ANK3: variants seen among roughly 807,000 people sequenced by gnomAD.
The protein encoded by ANK3 is ankyrin-3.
A neutral mutation model predicts 370.9 loss-of-function variants in ANK3; 57 were observed. The ratio of observed to expected loss-of-function variants is 0.15; its 90% CI spans 0.12 to 0.19. ANK3 has a LOEUF of 0.19. Ranked by LOEUF, ANK3 falls within the 10% of genes least tolerant of loss-of-function variation. ANK3 has a pLI of 1.00. For missense variants in ANK3, 4,439 were observed against 5,302.1 expected (o/e 0.84, Z 5.06); for synonymous variants, 1,929 against 1,946.3 (o/e 0.99, Z 0.23).
At chr10:60,607,861 G>A (rs2078148852) in intron 2 of ANK3, among the ~76,000 whole-genome samples, 1 of 152,190 alleles carries the variant, frequency 6.6e-6, no homozygotes, top group Non-Finnish European at 1.5e-5. Flanking sequence ...AATGGTCACA[G>A]AGAGAAGAAG....
At chr10:60,613,036 T>A (rs1240469266) in intron 2 of ANK3, among the ~76,000 whole-genome samples, 1 of 152,190 alleles carries the variant, frequency 6.6e-6, no homozygotes, top group Non-Finnish European at 1.5e-5. Flanking sequence ...AATCCATATA[T>A]GAATAGTTGT....
chr10:60,236,291 G>A (rs745798507), intron 7 of ANK3, among the ~76,000 whole-genome samples: 8 of 150,262 alleles, frequency 5.3e-5, no homozygotes, highest in Non-Finnish European at 7.4e-5. Flanking sequence ...TTATCATAAT[G>A]AAGAAAGTAA....
rs574451487 is a variant in ANK3 at position 60,646,620 on chromosome 10, T to C, written c.58-31396A>G. Among the ~76,000 whole-genome samples, 7 of 152,194 alleles carry C rather than the reference T, an allele frequency of 4.6e-5. No individual in the cohort carries two copies. In the East Asian group the frequency reaches 1.4e-3, roughly 29 times the overall value. ...GTGGCATCCCTGGGGTAGGAGCCTA[T>C]TATGGAGAGAAGTCACTGGTTTGAT... On this transcript the variant is annotated intron_variant, in intron 1 of 43. Coordinates refer to the ANK3 transcript ENST00000373827.
At chr10:60,358,442 T>G (rs984551937) in intron 1 of ANK3, among the ~76,000 whole-genome samples, 1 of 152,152 alleles carries the variant, frequency 6.6e-6, no homozygotes, top group East Asian at 1.9e-4. Context: ...GTCTTTCCCC[T>G]GCCTCACTGT....
chr10:60,472,110 CAA>C (rs1479290554), intron 2 of ANK3, among the ~76,000 whole-genome samples: 1 of 152,058 alleles, frequency 6.6e-6, no homozygotes. Flanking sequence ...AAGCTTATGA[CAA>C]ATGTCAAGTA....
At chr10:60,630,135 T>C (rs1027514886) in intron 1 of ANK3, among the ~76,000 whole-genome samples, 9 of 152,288 alleles carry the variant, frequency 5.9e-5, no homozygotes, top group East Asian at 1.9e-4. Flanking sequence ...ATAAATCATT[T>C]AATCTGAGTG....
intron 1 of ANK3, among the ~76,000 whole-genome samples, chr10:60,294,347 A>G (rs571252459): frequency 6.5e-4 from 99 of 152,284 alleles, no homozygotes; most frequent in African/African-American, 2.3e-3. Context: ...AAAAGCCCAG[A>G]GGAGTTGAAG....
chr10:60,461,111 C>A lies in ANK3; in HGVS notation c.96+154075G>T, dbSNP rs116241530. ...CCTGAATGGCCACACTGGCCTTTAT[C>A]ATATGCTCTCTCTCAGCACGTCACA... On this transcript the variant is annotated intron_variant, in intron 2 of 43. Coordinates refer to the ANK3 transcript ENST00000373827. Among the ~76,000 whole-genome samples, 380 of 152,294 alleles carry A rather than the reference C, an allele frequency of 2.5e-3. 1 individual carries two copies. The highest frequency in any genetic ancestry group is 8.4e-3 in the African/African-American group (349 of 41,560).
At chr10:60,510,563 C>G (rs2076053084) in intron 2 of ANK3, among the ~76,000 whole-genome samples, 1 of 152,112 alleles carries the variant, frequency 6.6e-6, no homozygotes, top group African/African-American at 2.4e-5. Context: ...ACGCCTATAA[C>G]AGCACTTTGG....
chr10:60,164,748 T>G (rs2095581091), intron 23 of ANK3, among the ~76,000 whole-genome samples: 1 of 152,158 alleles, frequency 6.6e-6, no homozygotes, highest in African/African-American at 2.4e-5. Context: ...TTTGAAGGGC[T>G]TGGGCACAGG....
intron 2 of ANK3, among the ~76,000 whole-genome samples, chr10:60,523,322 G>A (rs1225261697): frequency 6.6e-6 from 1 of 151,728 alleles, no homozygotes; most frequent in Non-Finnish European, 1.5e-5. Context: ...CATGTGCCAT[G>A]TTGGTGTGCT....
Position 60,072,659 on chromosome 10 carries a change from T to C in ANK3, c.8222A>G (p.Asp2741Gly), listed in dbSNP as rs1164764396. ...KDMSQEDRKS[D>G]GQSRIPVKKI... Reference sequence around the variant, plus strand: ...TTTAACTGGGATTCTGGACTGGCCATCTGACTTTCTGTCTTCTTGAGACAT... The same window carrying C: ...TTTAACTGGGATTCTGGACTGGCCACCTGACTTTCTGTCTTCTTGAGACAT... The change falls in exon 37 of 44, where the codon GAT (aspartate) becomes GGT (glycine). Residue 2741 changes from aspartate to glycine, a missense_variant. Physicochemically the swap from Asp to Gly is moderately conservative, Grantham distance 94 (BLOSUM62 -1). This residue lies in a region of ANK3 where 1,601 missense variants were observed against 1,731.7 expected (regional missense o/e 0.92). Coordinates refer to ENST00000280772, the MANE Select transcript of ANK3 (RefSeq NM_020987.5). 6.2e-7 allele frequency: 1 copy of C among 1,614,014 alleles called. No individual in the cohort carries two copies.
chr10:60,579,325 A>AT (rs1491432313), intron 2 of ANK3, among the ~76,000 whole-genome samples: 2 of 117,554 alleles, frequency 1.7e-5, no homozygotes, highest in South Asian at 3.4e-4. Context: ...CTCTCTCTCA[A>AT]TAAAAAAAAA....
Position 60,437,121 on chromosome 10 carries a change from G to A in ANK3, c.97-157482C>T, listed in dbSNP as rs1428340062. Among the ~76,000 whole-genome samples, 12 of 152,190 alleles carry A rather than the reference G, an allele frequency of 7.9e-5. No homozygotes were observed. The East Asian group carries it at 1.7e-3, about 22-fold the overall frequency. The stretch of plus-strand genomic sequence containing the variant: ...CAGAGTGTTTAGACCACTTGTTTGG[G>A]CATTACAAATTCACAATTACTATTT... On this transcript the variant is annotated intron_variant, in intron 2 of 43. Coordinates refer to the ANK3 transcript ENST00000373827.
At chr10:60,255,712 A>G (rs993356015) in intron 7 of ANK3, among the ~76,000 whole-genome samples, 2 of 152,168 alleles carry the variant, frequency 1.3e-5, no homozygotes, top group African/African-American at 2.4e-5. Context: ...ATAACTTTCT[A>G]TGATGATGGA....
In ANK3 at chr10:60,073,172, T is replaced by C; in HGVS notation, c.7709A>G (p.Lys2570Arg). 6.2e-7 allele frequency: 1 copy of C among 1,614,152 alleles called. No individual in the cohort carries two copies. The highest frequency in any genetic ancestry group is 8.5e-7 in the Non-Finnish European group (1 of 1,180,004). ...GTCCACCCTATCTTCATATATCAAC[T>C]TCTCTCTACCTCTGTCTAATCTGTC... ...TEDRLDRGRE[K>R]LIYEDRVDRT... The change falls in exon 37 of 44, where the codon AAG (lysine) becomes AGG (arginine). Residue 2570 changes from lysine (K) to arginine (R), a missense_variant. By Grantham distance (26) the Lys-to-Arg change is conservative. Around this residue, in one of 13 missense-constraint regions of ANK3, gnomAD observed 1,601 missense variants for 1,731.7 expected, o/e 0.92. Transcript: ENST00000280772.
intron 39 of ANK3, 34 bp downstream of exon 39, chr10:60,064,123 T>A: frequency 6.5e-7 from 1 of 1,528,064 alleles, no homozygotes; most frequent in Non-Finnish European, 8.7e-7. Context: ...ATTTATGCAG[T>A]TTTGAAAGTT....
intron 17 of ANK3, among the ~76,000 whole-genome samples, chr10:60,183,438 T>C (rs1468036134): frequency 1.3e-5 from 2 of 152,242 alleles, no homozygotes; most frequent in Non-Finnish European, 2.9e-5. Flanking sequence ...AATAACATTT[T>C]ATTTTTATAT....
At chr10:60,140,556 T>G in intron 23 of ANK3, 1 of 1,388,536 alleles carries the variant, frequency 7.2e-7, no homozygotes, top group East Asian at 2.7e-5. Context: ...TATACATCTT[T>G]CCCCACTCAG....
Sources: allele counts gnomAD v4.1 joint callset (sites outside exome capture counted in the v4.1 genomes callset), GRCh38; gene constraint gnomAD v4.1.1; regional missense constraint gnomAD v4.1.1; transcripts MANE v1.5; gene names NCBI Gene and HGNC (gene_info 2026-07-23, HGNC 2026-07-21).